The following DDX10 variants were observed in gnomAD, a reference collection of about 807,000 sequenced individuals.
The protein encoded by DDX10 is probable ATP-dependent RNA helicase DDX10.
DDX10 carries 74 observed loss-of-function variants against 104.3 expected under a neutral mutation model. The ratio of observed to expected loss-of-function variants is 0.71; its 90% CI spans 0.59 to 0.86. DDX10 has a LOEUF of 0.86. Ranked by LOEUF, DDX10 falls within the 40% of genes least tolerant of loss-of-function variation. The pLI, the probability that DDX10 is intolerant of heterozygous loss-of-function variation, is 0.00. For missense variants in DDX10, 952 were observed against 1,040.0 expected, an observed-to-expected ratio of 0.92 and a Z score of 1.16; for synonymous variants, 351 against 353.4, an observed-to-expected ratio of 0.99 and a Z score of 0.08.
At chr11:108,689,784 T>C (rs951776736) in intron 7 of DDX10, among the ~76,000 whole-genome samples, 2 of 152,244 alleles carry the variant, frequency 1.3e-5, no homozygotes, top group Non-Finnish European at 2.9e-5. Context: ...TAATAGGGAA[T>C]GTAGTAGATC....
Position 108,835,106 on chromosome 11 carries a change from C to T in DDX10, c.1966-3340C>T, listed in dbSNP as rs1350868004. On this transcript the variant is annotated intron_variant, in intron 13 of 17. Transcript: ENST00000322536. Reference sequence around the variant, plus strand: ...TGACAGAAGTGGGGGTCTTATTAATCCCTTGTGTTCACAGGGGTCATACAG... The same window carrying T: ...TGACAGAAGTGGGGGTCTTATTAATTCCTTGTGTTCACAGGGGTCATACAG... 2.0e-5 allele frequency among the ~76,000 whole-genome samples: 3 copies of T among 151,958 alleles called. No homozygotes were observed. The East Asian group carries it at 5.8e-4, about 29-fold the overall frequency.
At chr11:108,883,453 G>A (rs1212493030) in intron 16 of DDX10, among the ~76,000 whole-genome samples, 1 of 151,910 alleles carries the variant, frequency 6.6e-6, no homozygotes, top group Non-Finnish European at 1.5e-5. Flanking sequence ...TTCTCCTTGG[G>A]GATTTTGTTC....
chr11:108,805,509 T>C lies in DDX10; in HGVS notation c.1966-32937T>C, dbSNP rs1021990620. Reference sequence around the variant, plus strand: ...TTTGTATGTTATTAGCAACATCTTATATTTTCAGATTTCTCAATAAGTTTA... The same window carrying C: ...TTTGTATGTTATTAGCAACATCTTACATTTTCAGATTTCTCAATAAGTTTA... On this transcript the variant is annotated intron_variant, in intron 13 of 17. Transcript: ENST00000322536. Among the ~76,000 whole-genome samples the C allele has an allele frequency of 7.9e-5, 12 of 152,288 alleles. No homozygotes were observed. In the South Asian group the frequency reaches 1.2e-3, roughly 16 times the overall value.
intron 13 of DDX10, among the ~76,000 whole-genome samples, chr11:108,783,709 A>T (rs1201751999): frequency 6.6e-6 from 1 of 152,192 alleles, no homozygotes; most frequent in Non-Finnish European, 1.5e-5. Flanking sequence ...ATTAAAGGGT[A>T]CATGTGCAGG....
At chr11:108,860,035 G>GT (rs1565301259) in intron 16 of DDX10, among the ~76,000 whole-genome samples, 3 of 151,796 alleles carry the variant, frequency 2.0e-5, no homozygotes, top group Non-Finnish European at 2.9e-5. Flanking sequence ...TCTTCTTCTT[G>GT]TTTTGTTTCA....
At chr11:108,794,595 T>C (rs1487203022) in intron 13 of DDX10, among the ~76,000 whole-genome samples, 1 of 152,066 alleles carries the variant, frequency 6.6e-6, no homozygotes, top group Non-Finnish European at 1.5e-5. Flanking sequence ...TTGAATTTTG[T>C]CAAATGCCTT....
At chr11:108,795,839 A>G (rs1001695044) in intron 13 of DDX10, among the ~76,000 whole-genome samples, 8 of 152,118 alleles carry the variant, frequency 5.3e-5, no homozygotes, top group Non-Finnish European at 8.8e-5. Context: ...ATGATTTATA[A>G]TCCTTTGGGT....
intron 16 of DDX10, among the ~76,000 whole-genome samples, chr11:108,866,309 A>G (rs1169617436): frequency 1.3e-5 from 2 of 152,174 alleles, no homozygotes; most frequent in South Asian, 2.1e-4. Flanking sequence ...AGGAGTGCCA[A>G]ATGCCACAAG....
At chr11:108,933,249 A>C (rs1374357667) in intron 17 of DDX10, among the ~76,000 whole-genome samples, 2 of 151,952 alleles carry the variant, frequency 1.3e-5, no homozygotes, top group Non-Finnish European at 2.9e-5. Context: ...TTATTACTGA[A>C]GGCAAGCCTG....
chr11:108,737,884 AT>A (rs1237763447), intron 13 of DDX10, among the ~76,000 whole-genome samples: 1 of 152,152 alleles, frequency 6.6e-6, no homozygotes, highest in Non-Finnish European at 1.5e-5. Flanking sequence ...GGTGATAACG[AT>A]TAGAATAATT....
At chr11:108,851,887 G>T (rs1386148571) in intron 15 of DDX10, among the ~76,000 whole-genome samples, 1 of 152,022 alleles carries the variant, frequency 6.6e-6, no homozygotes, top group African/African-American at 2.4e-5. Flanking sequence ...TGTCCTGTTA[G>T]TGTGTGTTTT....
chr11:108,673,033 ACT>A (rs2094219066), intron 1 of DDX10, among the ~76,000 whole-genome samples: 3 of 151,958 alleles, frequency 2.0e-5, no homozygotes, highest in African/African-American at 7.3e-5. Context: ...AACTAATTTC[ACT>A]CTTTTTTCCA....
chr11:108,688,826 A>G (rs71489912), intron 6 of DDX10, 110 bp from the exon 7 acceptor site: 91,700 of 1,212,212 alleles, frequency 0.076, 3,972 homozygotes, highest in South Asian at 0.088. Context: ...TGTGTGTAGG[A>G]AATTTGCTTG....
chr11:108,809,197 A>G (rs1445025326), intron 13 of DDX10, among the ~76,000 whole-genome samples: 18 of 152,332 alleles, frequency 1.2e-4, no homozygotes, highest in East Asian at 3.9e-4. Flanking sequence ...TTAGTAGGCC[A>G]CTGTACTGAC....
At position 108,740,527 on chromosome 11, in the gene DDX10, G is replaced by C. The variant is rs1160092492; in HGVS notation, c.1965+17065G>C. Among the ~76,000 whole-genome samples the C allele has an allele frequency of 2.6e-5, 4 of 152,248 alleles. No individual in the cohort carries two copies. In the South Asian group the frequency reaches 6.2e-4, roughly 24 times the overall value. ...AATAATGGGATTGCTGGGTTGAATG[G>C]TAATTCTGATTTGAGTTCTTTGAGA... On this transcript the variant is annotated intron_variant, in intron 13 of 17. Transcript: ENST00000322536.
chr11:108,789,643 C>A (rs529296605), intron 13 of DDX10, among the ~76,000 whole-genome samples: 2 of 152,276 alleles, frequency 1.3e-5, no homozygotes, highest in African/African-American at 4.8e-5. Flanking sequence ...AGTTCTACTT[C>A]TTGTTTATAA....
At chr11:108,693,407 A>C in intron 8 of DDX10, 109 bp from the exon 9 acceptor site, 1 of 795,698 alleles carries the variant, frequency 1.3e-6, no homozygotes, top group Admixed American at 1.7e-5. Flanking sequence ...GATGATATCC[A>C]TCAGTTTGAT....
chr11:108,926,070 C>T (rs1015874911), intron 17 of DDX10, among the ~76,000 whole-genome samples: 1 of 151,748 alleles, frequency 6.6e-6, no homozygotes, highest in Non-Finnish European at 1.5e-5. Context: ...CTGAGGAGCA[C>T]AAAATGTTCT....
At chr11:108,910,107 G>T (rs1863648739) in intron 16 of DDX10, among the ~76,000 whole-genome samples, 1 of 150,460 alleles carries the variant, frequency 6.6e-6, no homozygotes. Flanking sequence ...TGGGGGCCAA[G>T]GATAAGGAAA....
Sources: allele counts gnomAD v4.1 joint callset (sites outside exome capture counted in the v4.1 genomes callset), GRCh38; gene constraint gnomAD v4.1.1; transcripts MANE v1.5; gene names NCBI Gene and HGNC (gene_info 2026-07-23, HGNC 2026-07-21).